The following ERLEC1 variants were observed in gnomAD, a reference collection of about 807,000 sequenced individuals.
ERLEC1 encodes the protein endoplasmic reticulum lectin 1, also known as ER lectin.
ERLEC1 carries 47 observed loss-of-function variants against 68.0 expected under a neutral mutation model. The observed-to-expected ratio is 0.69, with a 90% CI of 0.55 to 0.88. The LOEUF is 0.88. Ranked by LOEUF, ERLEC1 falls within the 40% of genes least tolerant of loss-of-function variation. The pLI, the probability that ERLEC1 is intolerant of heterozygous loss-of-function variation, is 0.00. For missense variants in ERLEC1, 567 were observed against 583.8 expected, an observed-to-expected ratio of 0.97 and a Z score of 0.30; for synonymous variants, 225 against 203.2, an observed-to-expected ratio of 1.11 and a Z score of -0.91.
At chr2:53,791,939 C>T (rs939871231) in intron 1 of ERLEC1, among the ~76,000 whole-genome samples, 2 of 150,374 alleles carry the variant, frequency 1.3e-5, no homozygotes, top group South Asian at 2.1e-4. Context: ...AAAGACGGAG[C>T]CTCGCTCTTT....
chr2:53,791,381 T>G (rs914487078), intron 1 of ERLEC1, among the ~76,000 whole-genome samples: 1 of 152,208 alleles, frequency 6.6e-6, no homozygotes, highest in Admixed American at 6.5e-5. Flanking sequence ...GTAAAGTAAG[T>G]TTTTTATACT....
At chr2:53,810,076 C>A (rs1676508778) in intron 10 of ERLEC1, among the ~76,000 whole-genome samples, 1 of 151,918 alleles carries the variant, frequency 6.6e-6, no homozygotes, top group African/African-American at 2.4e-5. Context: ...CTCAAAAAAC[C>A]AAACAAACAA....
At chr2:53,810,972 C>A in intron 10 of ERLEC1, among the ~76,000 whole-genome samples, 1 of 152,030 alleles carries the variant, frequency 6.6e-6, no homozygotes, top group Non-Finnish European at 1.5e-5. Context: ...TATCTGTCTC[C>A]TCTGCCATCA....
intron 1 of ERLEC1, among the ~76,000 whole-genome samples, chr2:53,793,476 G>A (rs1675520351): frequency 6.6e-6 from 1 of 152,158 alleles, no homozygotes; most frequent in Non-Finnish European, 1.5e-5. Context: ...TGTTGCTACA[G>A]TGGCAGAGGC....
In ERLEC1 at chr2:53,812,988, T is replaced by C; in HGVS notation, c.1141T>C (p.Trp381Arg). Residue 381 changes from tryptophan to arginine, a missense_variant, in exon 11 of 14, where the codon TGG (tryptophan) becomes CGG (arginine). Trp to Arg is a moderately radical substitution (Grantham distance 101). Coordinates refer to ENST00000185150, the MANE Select transcript of ERLEC1 (RefSeq NM_015701.5). ...GAAAACCTCTGTGGTTGTCGGGACA[T>C]GGAACCAAGAAGAGCATATTGAATG... ...SGKTSVVVGT[W>R]NQEEHIEWAK... 6.2e-7 allele frequency: 1 copy of C among 1,613,578 alleles called. No individual in the cohort carries two copies. The highest frequency in any genetic ancestry group is 1.3e-5 in the African/African-American group (1 of 75,032).
chr2:53,791,145 C>G (rs111809848), intron 1 of ERLEC1, among the ~76,000 whole-genome samples: 1 of 152,288 alleles, frequency 6.6e-6, no homozygotes, highest in Non-Finnish European at 1.5e-5. Context: ...TCTAACCAAC[C>G]TAATTCCTCC....
chr2:53,802,228 A>C (rs1189704244), intron 8 of ERLEC1, among the ~76,000 whole-genome samples: 2 of 152,128 alleles, frequency 1.3e-5, no homozygotes, highest in Non-Finnish European at 2.9e-5. Context: ...TCCCCATTTT[A>C]ATATATTGTC....
At chr2:53,795,117 T>G (rs1197385302) in intron 2 of ERLEC1, among the ~76,000 whole-genome samples, 1 of 152,240 alleles carries the variant, frequency 6.6e-6, no homozygotes, top group East Asian at 1.9e-4. Context: ...TTTCTCATTA[T>G]CTTAGCCCAT....
chr2:53,794,789 G>A (rs1675598800), intron 2 of ERLEC1, among the ~76,000 whole-genome samples: 1 of 152,034 alleles, frequency 6.6e-6, no homozygotes, highest in African/African-American at 2.4e-5. Context: ...CAAGTAGCTG[G>A]GATTACAGGC....
intron 11 of ERLEC1, among the ~76,000 whole-genome samples, chr2:53,814,093 T>C (rs1462991416): frequency 6.6e-6 from 1 of 152,242 alleles, no homozygotes; most frequent in East Asian, 1.9e-4. Context: ...TGGATCCTGC[T>C]CATTTGAGAT....
intron 10 of ERLEC1, among the ~76,000 whole-genome samples, chr2:53,810,577 C>T (rs1033105680): frequency 3.9e-5 from 6 of 152,080 alleles, no homozygotes; most frequent in South Asian, 2.1e-4. Context: ...AGGCCATTTT[C>T]GTTATCTAAA....
At chr2:53,805,760 C>T (rs1417577035) in intron 8 of ERLEC1, among the ~76,000 whole-genome samples, 3 of 152,204 alleles carry the variant, frequency 2.0e-5, no homozygotes, top group African/African-American at 7.2e-5. Flanking sequence ...TTTACATTCC[C>T]ACCAACAGTA....
chr2:53,796,488 C>G (rs1013505470), intron 3 of ERLEC1, among the ~76,000 whole-genome samples: 15 of 151,422 alleles, frequency 9.9e-5, no homozygotes, highest in African/African-American at 3.6e-4. Flanking sequence ...GAGAAAAGGT[C>G]TCATTCTGTC....
chr2:53,798,136 A>G (rs1277603936), intron 5 of ERLEC1, among the ~76,000 whole-genome samples: 12 of 152,166 alleles, frequency 7.9e-5, no homozygotes, highest in Admixed American at 7.9e-4. Context: ...CGGAGCTTGC[A>G]GTGAGCCGAG....
chr2:53,796,734 G>C (rs1259659170), intron 3 of ERLEC1, among the ~76,000 whole-genome samples: 1 of 152,074 alleles, frequency 6.6e-6, no homozygotes, highest in Non-Finnish European at 1.5e-5. Flanking sequence ...ACAGGCGTGA[G>C]CGACTGTGCC....
intron 1 of ERLEC1, 138 bp downstream of exon 1, chr2:53,787,510 A>G: frequency 9.9e-7 from 1 of 1,014,648 alleles, no homozygotes; most frequent in Non-Finnish European, 1.4e-6. Context: ...AGCTGCTTTT[A>G]TGCAGCGTTC....
intron 1 of ERLEC1, among the ~76,000 whole-genome samples, chr2:53,792,689 C>T (rs1230494561): frequency 1.3e-5 from 2 of 152,020 alleles, no homozygotes; most frequent in Admixed American, 6.6e-5. Flanking sequence ...TTTAGGATTA[C>T]AGTGGTGCCA....
At chr2:53,793,441 T>C (rs550646745) in intron 1 of ERLEC1, among the ~76,000 whole-genome samples, 92 of 152,294 alleles carry the variant, frequency 6.0e-4, no homozygotes, top group African/African-American at 2.2e-3. Flanking sequence ...TCATCATCCG[T>C]ATTTGTTTAC....
intron 13 of ERLEC1, among the ~76,000 whole-genome samples, chr2:53,817,481 C>T (rs1676962733): frequency 6.6e-6 from 1 of 152,194 alleles, no homozygotes; most frequent in Non-Finnish European, 1.5e-5. Flanking sequence ...TCTGGTCATA[C>T]ATGTTTTCTT....
Sources: allele counts gnomAD v4.1 joint callset (sites outside exome capture counted in the v4.1 genomes callset), GRCh38; gene constraint gnomAD v4.1.1; transcripts MANE v1.5; gene names NCBI Gene and HGNC (gene_info 2026-07-23, HGNC 2026-07-21).